The following MYCBPAP variants were observed in gnomAD, a reference collection of about 807,000 sequenced individuals.
MYCBPAP encodes MYCBP associated protein.
A neutral mutation model predicts 106.1 loss-of-function variants in MYCBPAP; 60 were observed. The observed-to-expected ratio is 0.57, with a 90% confidence interval of 0.46 to 0.70. The LOEUF is 0.70. Ranked by LOEUF, MYCBPAP falls within the 30% of genes least tolerant of loss-of-function variation. The probability of loss-of-function intolerance (pLI) is 0.00; values close to 1 mark genes in which losing one functional copy is unlikely to be tolerated. For synonymous variants in MYCBPAP, 407 were observed against 440.6 expected, an observed-to-expected ratio of 0.92 and a Z score of 0.95; for missense variants, 1,064 against 1,169.3, an observed-to-expected ratio of 0.91 and a Z score of 1.31.
intron 10 of MYCBPAP, chr17:50,522,566 C>T (rs2143960921): frequency 6.6e-6 from 1 of 152,256 alleles, no homozygotes; most frequent in South Asian, 2.1e-4. Flanking sequence ...TGGTGGTGGG[C>T]ACCTGTAATC....
chr17:50,511,959 A>G (rs908531071), intron 1 of MYCBPAP, among the ~76,000 whole-genome samples: 8 of 151,842 alleles, frequency 5.3e-5, no homozygotes, highest in Non-Finnish European at 8.8e-5. Flanking sequence ...TGAACCAAAG[A>G]TCAGATGCCT....
intron 4 of MYCBPAP, among the ~76,000 whole-genome samples, chr17:50,517,937 C>T (rs1435945957): frequency 1.3e-5 from 2 of 152,174 alleles, no homozygotes; most frequent in South Asian, 2.1e-4. Context: ...AACCCAAAGG[C>T]GGGAGTACCT....
In MYCBPAP at chr17:50,524,893, A is replaced by G. The variant is rs1421318168; in HGVS notation, c.1652A>G (p.His551Arg). The change falls in exon 13 of 19, where the codon CAT (histidine) becomes CGT (arginine). Residue 551 changes from histidine (H) to arginine (R), a missense_variant. Coordinates refer to ENST00000323776, the MANE Select transcript of MYCBPAP (RefSeq NM_032133.6). ...CTTTTGCAGAGCAAGCTGACTGCCCATGAGGCAGTCACCGTCGTTCGCGAA... is the reference window on the plus strand; with the variant it reads ...CTTTTGCAGAGCAAGCTGACTGCCCGTGAGGCAGTCACCGTCGTTCGCGAA... ...RKVLESKLTA[H>R]EAVTVVREVL... is the part of the protein sequence containing the mutation. 6 of 1,613,854 alleles carry G rather than the reference A, an allele frequency of 3.7e-6. No homozygotes were observed. Among genetic ancestry groups the G allele is most frequent in the Non-Finnish European group, 3.4e-6 (4 of 1,179,966 alleles).
Position 50,527,419 on chromosome 17 carries a change from T to C in MYCBPAP, c.2291+11T>C. The C allele has an allele frequency of 6.2e-7, 1 of 1,613,678 alleles. No homozygotes were observed. The highest frequency in any genetic ancestry group is 8.5e-7 in the Non-Finnish European group (1 of 1,179,796). ...CCTGCACCAGATGTGGTAGGTGCCC[T>C]GCCAGGAGAGCTGCCCCATCTCCTT... On this transcript the variant is annotated intron_variant, in intron 15 of 18. Coordinates refer to ENST00000323776, the MANE Select transcript of MYCBPAP (RefSeq NM_032133.6).
Position 50,520,017 on chromosome 17 carries a change from C to G in MYCBPAP, c.916+230C>G, listed in dbSNP as rs145943383. On this transcript the variant is annotated intron_variant, in intron 7 of 18. Transcript: ENST00000323776. The stretch of plus-strand genomic sequence containing the variant: ...AAACTGGAGTGCAGCCATAGAGCTG[C>G]CGTCCAGTGTGGAGCCTTGAGCCAC... 1,490 of 506,726 alleles carry G rather than the reference C, an allele frequency of 2.9e-3. 22 individuals carry two copies. The highest frequency in any genetic ancestry group is 6.0e-3 in the East Asian group (179 of 30,028). 31.4% of individuals were successfully genotyped at this position (506,726 alleles called of 1,614,324 possible).
chr17:50,512,935 G>A (rs1318881653), intron 1 of MYCBPAP, among the ~76,000 whole-genome samples: 6 of 151,950 alleles, frequency 3.9e-5, no homozygotes, highest in East Asian at 3.9e-4. Flanking sequence ...ATAGTTGGGC[G>A]GCCGGGTGCG....
rs749886404 is a variant in MYCBPAP at position 50,516,600 on chromosome 17, C to A, written c.107C>A (p.Pro36His). 6.2e-7 allele frequency: 1 copy of A among 1,614,128 alleles called. No homozygotes were observed. The highest frequency in any genetic ancestry group is 1.1e-5 in the South Asian group (1 of 91,078). The change falls in exon 2 of 19, where the codon CCC becomes CAC. Residue 36 changes from proline (P) to histidine (H), a missense_variant. Physicochemically the swap from Pro to His is moderately conservative, Grantham distance 77. Coordinates refer to ENST00000323776, the MANE Select transcript of MYCBPAP (RefSeq NM_032133.6). ...EKKRAKGPEQ[P>H]TPTIQEEPEP... ...AAGCGGGCAAAGGGACCTGAACAAC[C>A]CACACCCACAATTCAGGAAGAGCCT...
chr17:50,526,229 C>A lies in MYCBPAP; in HGVS notation c.2131C>A (p.Leu711Met), dbSNP rs1487780570. 6.2e-7 allele frequency: 1 copy of A among 1,612,216 alleles called. No individual in the cohort carries two copies. The highest frequency in any genetic ancestry group is 8.5e-7 in the Non-Finnish European group (1 of 1,179,710). ...CCCCTGGGAGCCGGATGGCCTTCCC[C>A]TGCTGGAGTGGAACCTCTGCTTGGA... ...KSPWEPDGLPLLEWNLCLEDF... is the reference protein window; with the variant it reads ...KSPWEPDGLPMLEWNLCLEDF... Residue 711 changes from leucine to methionine, a missense_variant, in exon 14 of 19, where the codon CTG becomes ATG. Leu to Met is a conservative substitution (Grantham distance 15, BLOSUM62 2). Transcript: ENST00000323776.
chr17:50,527,260 G>C (rs1304666291), intron 14 of MYCBPAP, 27 bp from the exon 15 acceptor site: 1 of 1,613,294 alleles, frequency 6.2e-7, no homozygotes, highest in East Asian at 2.2e-5. Flanking sequence ...GTGTCCTGGT[G>C]CAGAATGGTG....
chr17:50,508,940 G>C lies in MYCBPAP; in HGVS notation c.76+190G>C, dbSNP rs1182235785. Reference sequence around the variant, plus strand: ...AGGCAGGAAGAGCCTACAGCGCACTGGGCCTTGGGGATGGGGACATAGGAA... The same window carrying C: ...AGGCAGGAAGAGCCTACAGCGCACTCGGCCTTGGGGATGGGGACATAGGAA... On this transcript the variant is annotated intron_variant, in intron 1 of 18. Transcript: ENST00000323776. 8.4e-6 allele frequency: 6 copies of C among 712,852 alleles called. No individual in the cohort carries two copies. The African/African-American group carries it at 1.0e-4, about 12-fold the overall frequency. The allele number at this position is 712,852 out of a possible 1,614,324, so 44.2% of individuals were successfully genotyped here.
In MYCBPAP at chr17:50,527,358, G is replaced by A; in HGVS notation, c.2241G>A (p.Glu747=). Residue 747 remains glutamate (E), a synonymous_variant, in exon 15 of 19, where the codon GAG becomes GAA. Coordinates refer to ENST00000323776, the MANE Select transcript of MYCBPAP (RefSeq NM_032133.6). ...ALMRLNKAAL[E]LCQKPRPLQS... ...TGAGGCTCAACAAAGCAGCCCTGGA[G>A]CTGTGCCAGAAGCCAAGGCCATTGC... The A allele has an allele frequency of 1.2e-6, 2 of 1,614,154 alleles. No individual in the cohort carries two copies. Among genetic ancestry groups the A allele is most frequent in the Non-Finnish European group, 1.7e-6 (2 of 1,180,026 alleles).
Position 50,523,054 on chromosome 17 carries a change from G to A in MYCBPAP, c.1373G>A (p.Arg458Gln), listed in dbSNP as rs774185917. ...GTGGCCATTTGGTATGACTGGCGAC[G>A]GCAGCACCAGCCGGACACTTTCCAA... ...GTVAIWYDWRRQHQPDTFQDL... is the reference protein window; with the variant it reads ...GTVAIWYDWRQQHQPDTFQDL... Residue 458 changes from arginine to glutamine, a missense_variant, in exon 11 of 19, where the codon CGG becomes CAG. Coordinates refer to ENST00000323776, the MANE Select transcript of MYCBPAP (RefSeq NM_032133.6). The A allele has an allele frequency of 5.1e-5, 82 of 1,613,996 alleles. 1 individual carries two copies. Among genetic ancestry groups the A allele is most frequent in the Middle Eastern group, 1.6e-4 (1 of 6,084 alleles).
At chr17:50,509,296 C>A in intron 1 of MYCBPAP, 1 of 625,322 alleles carries the variant, frequency 1.6e-6, no homozygotes, top group South Asian at 1.8e-5. Flanking sequence ...CCTTTTCCTA[C>A]CACGTGCACT....
At chr17:50,525,246 T>C in intron 13 of MYCBPAP, 1 of 463,496 alleles carries the variant, frequency 2.2e-6, no homozygotes, top group South Asian at 3.9e-5. Context: ...TATGAGAATC[T>C]AACTAATGCC....
At chr17:50,516,428 G>T in intron 1 of MYCBPAP, 142 bp from the exon 2 acceptor site, 1 of 1,033,460 alleles carries the variant, frequency 9.7e-7, no homozygotes, top group Non-Finnish European at 1.3e-6. Context: ...CACCTTGGCA[G>T]CCTCTGCTAT....
At position 50,531,386 on chromosome 17, in the gene MYCBPAP, C is replaced by A; in HGVS notation, c.2784C>A (p.Ser928Arg). 1 of 1,613,506 alleles carries A rather than the reference C, an allele frequency of 6.2e-7. No homozygotes were observed. The highest frequency in any genetic ancestry group is 8.5e-7 in the Non-Finnish European group (1 of 1,179,782). The change falls in exon 19 of 19, where the codon AGC becomes AGA. Residue 928 changes from serine to arginine, a missense_variant. Transcript: ENST00000323776. ...TDLMVLADEL[S>R]PIKNVEEALR... Reference sequence around the variant, plus strand: ...TGATGGTCCTGGCTGATGAGCTCAGCCCCATAAAGAATGTCGAGGAGGCTT... The same window carrying A: ...TGATGGTCCTGGCTGATGAGCTCAGACCCATAAAGAATGTCGAGGAGGCTT...
intron 18 of MYCBPAP, among the ~76,000 whole-genome samples, chr17:50,530,874 C>T (rs564969835): frequency 1.3e-5 from 2 of 150,140 alleles, no homozygotes; most frequent in South Asian, 2.1e-4. Flanking sequence ...AAGGTACCAG[C>T]GCAGGGCCAC....
At position 50,516,648 on chromosome 17, in the gene MYCBPAP, A is replaced by G. The variant is rs754831667; in HGVS notation, c.155A>G (p.Gln52Arg). The G allele has an allele frequency of 6.8e-6, 11 of 1,614,152 alleles. No individual in the cohort carries two copies. In the East Asian group the frequency reaches 2.0e-4, roughly 29 times the overall value. Residue 52 changes from glutamine (Q) to arginine (R), a missense_variant, in exon 2 of 19, where the codon CAA (glutamine) becomes CGA (arginine). Transcript: ENST00000323776. The part of the protein sequence containing the change: ...EEPEPVSNVL[Q>R]GDDILALAIK... ...CCTGAACCTGTTAGCAATGTCCTAC[A>G]AGGAGATGACATTCTTGCCTTGGCC...
intron 15 of MYCBPAP, among the ~76,000 whole-genome samples, chr17:50,527,931 C>T (rs2034513699): frequency 6.6e-6 from 1 of 152,198 alleles, no homozygotes; most frequent in African/African-American, 2.4e-5. Context: ...CCTCCTAACC[C>T]TAGTCCTGGG....
Sources: gnomAD v4.1 joint callset for allele counts (sites outside exome capture counted in the v4.1 genomes callset) on GRCh38, gnomAD v4.1.1 for gene constraint, MANE v1.5 for transcripts, NCBI Gene and HGNC (gene_info 2026-07-23, HGNC 2026-07-21) for gene names.